The following FCRL1 variants were observed in gnomAD, a reference collection of about 807,000 sequenced individuals.
FCRL1 encodes Fc receptor like 1.
A neutral mutation model predicts 49.2 loss-of-function variants in FCRL1; 34 were observed. The ratio of observed to expected loss-of-function variants is 0.69; its 90% CI spans 0.53 to 0.92. The LOEUF is 0.92. Among genes scored for constraint, FCRL1 ranks in the 40% least tolerant of loss-of-function variants. The pLI, the probability that FCRL1 is intolerant of heterozygous loss-of-function variation, is 0.00. For synonymous variants in FCRL1, 218 were observed against 201.6 expected (o/e 1.08, Z -0.69); for missense variants, 524 against 524.1 (o/e 1.00, Z 0.00).
At chr1:157,798,698 A>C (rs1018911921) in intron 7 of FCRL1, among the ~76,000 whole-genome samples, 2 of 152,180 alleles carry the variant, frequency 1.3e-5, no homozygotes, top group African/African-American at 4.8e-5. Context: ...CATAAATGAT[A>C]ATACATTATA....
In FCRL1 at chr1:157,804,303, C is replaced by G. The variant is rs907761075; in HGVS notation, c.53-192G>C. On this transcript the variant is annotated intron_variant, in intron 2 of 10. Coordinates refer to ENST00000368176, the MANE Select transcript of FCRL1 (RefSeq NM_052938.5). Reference sequence around the variant, plus strand: ...TGCCATGAACTCACCCTGCTCACCCCTGGTACATCCTGCCCCTGTGCAGTA... The same window carrying G: ...TGCCATGAACTCACCCTGCTCACCCGTGGTACATCCTGCCCCTGTGCAGTA... 4 of 598,680 alleles carry G rather than the reference C, an allele frequency of 6.7e-6. No homozygotes were observed. The African/African-American group carries it at 7.4e-5, about 11-fold the overall frequency. The allele number at this position is 598,680 out of a possible 1,614,324, so 37.1% of individuals were successfully genotyped here.
At chr1:157,800,270 C>G (rs763172954) in intron 6 of FCRL1, among the ~76,000 whole-genome samples, 185 bp from the exon 7 acceptor site, 16 of 152,206 alleles carry the variant, frequency 1.1e-4, no homozygotes, top group Non-Finnish European at 2.9e-5. Context: ...GATGGAAACT[C>G]AGGTCCTGAA....
intron 7 of FCRL1, among the ~76,000 whole-genome samples, chr1:157,799,795 A>AATC (rs1257299108): frequency 6.6e-6 from 1 of 152,080 alleles, no homozygotes; most frequent in African/African-American, 2.4e-5. Context: ...GTATAATAAT[A>AATC]ATAAAATTAA....
At chr1:157,810,100 G>T (rs896479214) in intron 1 of FCRL1, among the ~76,000 whole-genome samples, 1 of 152,102 alleles carries the variant, frequency 6.6e-6, no homozygotes. Flanking sequence ...ACCCCTTGAT[G>T]CAGCAACATG....
In FCRL1 at chr1:157,801,529, C is replaced by A; in HGVS notation, c.935G>T (p.Gly312Val). The A allele has an allele frequency of 2.5e-6, 4 of 1,613,992 alleles. No homozygotes were observed. The highest frequency in any genetic ancestry group is 3.4e-6 in the Non-Finnish European group (4 of 1,179,986). The change falls in exon 6 of 11, where the codon GGG (glycine) becomes GTG (valine). Residue 312 changes from glycine to valine, a missense_variant. Physicochemically the swap from Gly to Val is moderately radical, Grantham distance 109. Coordinates refer to ENST00000368176, the MANE Select transcript of FCRL1 (RefSeq NM_052938.5). ...SNHLTSGVIE[G>V]LLSTLGPATV... Reference sequence around the variant, plus strand: ...GGCTGGACCAAGGGTGCTGAGCAGCCCCTCAATGACTCCTGAGGTAAGATG... The same window carrying A: ...GGCTGGACCAAGGGTGCTGAGCAGCACCTCAATGACTCCTGAGGTAAGATG...
intron 1 of FCRL1, among the ~76,000 whole-genome samples, chr1:157,816,747 G>C (rs773998708): frequency 2.0e-5 from 3 of 151,624 alleles, no homozygotes; most frequent in Middle Eastern, 3.4e-3. Flanking sequence ...CTATGTCACT[G>C]ATTTGGGCAG....
At chr1:157,809,553 A>T (rs1239719235) in intron 1 of FCRL1, among the ~76,000 whole-genome samples, 2 of 152,190 alleles carry the variant, frequency 1.3e-5, no homozygotes, top group African/African-American at 4.8e-5. Flanking sequence ...GGTTCAAGCG[A>T]TTCTCCTGCC....
At chr1:157,801,605 G>T in intron 5 of FCRL1, 28 bp from the exon 6 acceptor site, 2 of 1,505,980 alleles carry the variant, frequency 1.3e-6, no homozygotes, top group Non-Finnish European at 1.8e-6. Flanking sequence ...TGCATGATCT[G>T]CTCAGAGGAA....
chr1:157,797,991 C>T, intron 8 of FCRL1, 52 bp from the exon 9 acceptor site: 1 of 1,576,578 alleles, frequency 6.3e-7, no homozygotes, highest in South Asian at 1.1e-5. Flanking sequence ...TCCTGTCTTT[C>T]AAATTACTCC....
intron 1 of FCRL1, among the ~76,000 whole-genome samples, chr1:157,814,275 G>A (rs1454683300): frequency 6.6e-6 from 1 of 152,110 alleles, no homozygotes; most frequent in African/African-American, 2.4e-5. Context: ...AACTATAGCT[G>A]TGATAAGTTG....
intron 1 of FCRL1, among the ~76,000 whole-genome samples, chr1:157,807,351 C>G (rs1653647054): frequency 6.6e-6 from 1 of 152,084 alleles, no homozygotes; most frequent in Non-Finnish European, 1.5e-5. Flanking sequence ...TCTCTCTGCT[C>G]CTTTTCCCAT....
intron 1 of FCRL1, among the ~76,000 whole-genome samples, chr1:157,812,745 C>G (rs1169667832): frequency 6.6e-6 from 1 of 152,154 alleles, no homozygotes; most frequent in African/African-American, 2.4e-5. Flanking sequence ...GTGCAGGACA[C>G]TGAGTGCAGG....
chr1:157,819,005 G>A (rs550637809), intron 1 of FCRL1, among the ~76,000 whole-genome samples: 54 of 152,250 alleles, frequency 3.5e-4, no homozygotes, highest in African/African-American at 1.2e-3. Flanking sequence ...ATATATTCGT[G>A]GTAGGGGAAG....
At chr1:157,818,706 T>A (rs949014063) in intron 1 of FCRL1, among the ~76,000 whole-genome samples, 1 of 152,174 alleles carries the variant, frequency 6.6e-6, no homozygotes, top group African/African-American at 2.4e-5. Context: ...GCGTTCTTTC[T>A]TGGGTGATGA....
intron 2 of FCRL1, among the ~76,000 whole-genome samples, chr1:157,805,382 GATTACTAAAGGGTGA>G (rs1213628756): frequency 3.3e-5 from 5 of 152,162 alleles, no homozygotes; most frequent in Non-Finnish European, 7.4e-5. Flanking sequence ...AATTGCTTTG[GATTACTAAAGGGTGA>G]ATTACTAGGA....
intron 10 of FCRL1, among the ~76,000 whole-genome samples, 156 bp downstream of exon 10, chr1:157,796,945 G>T (rs977295132): frequency 1.3e-5 from 2 of 152,174 alleles, no homozygotes; most frequent in African/African-American, 4.8e-5. Context: ...CCTTATTGTT[G>T]TAACTATGTG....
chr1:157,814,267 C>T (rs558610315), intron 1 of FCRL1, among the ~76,000 whole-genome samples: 84 of 152,154 alleles, frequency 5.5e-4, no homozygotes, highest in African/African-American at 1.9e-3. Flanking sequence ...TCAATAATAA[C>T]TATAGCTGTG....
In FCRL1 at chr1:157,801,949, G is replaced by C. The variant is rs149691746; in HGVS notation, c.852C>G (p.Ala284=). The part of the protein sequence containing the change: ...YSCEANNGLG[A]QRSEAVTLNF... ...TGAGTGTCACCGCCTCACTGCGCTG[G>C]GCCCCCAGGCCATTGTTGGCCTCAC... Residue 284 remains alanine, a synonymous_variant, in exon 5 of 11, where the codon GCC becomes GCG. Coordinates refer to ENST00000368176, the MANE Select transcript of FCRL1 (RefSeq NM_052938.5). 1 of 1,614,132 alleles carries C rather than the reference G, an allele frequency of 6.2e-7. No individual in the cohort carries two copies. Among genetic ancestry groups the C allele is most frequent in the Non-Finnish European group, 8.5e-7 (1 of 1,179,996 alleles).
intron 10 of FCRL1, 56 bp from the exon 11 acceptor site, chr1:157,796,226 G>T: frequency 1.4e-6 from 2 of 1,409,940 alleles, no homozygotes; most frequent in South Asian, 1.1e-5. Flanking sequence ...TGCCTCCACT[G>T]GTCCCCTTCC....
Sources: gnomAD v4.1 joint callset for allele counts (sites outside exome capture counted in the v4.1 genomes callset) on GRCh38, gnomAD v4.1.1 for gene constraint, MANE v1.5 for transcripts, NCBI Gene and HGNC (gene_info 2026-07-23, HGNC 2026-07-21) for gene names.